DMD: variants seen among roughly 807,000 people sequenced by gnomAD.
The protein encoded by DMD is mutant dystrophin.
DMD carries 63 observed loss-of-function variants against 330.1 expected under a neutral mutation model. That is an observed-to-expected ratio of 0.19 (90% CI 0.16 to 0.24). The LOEUF is 0.24. DMD is among the 10% of genes least tolerant of loss of function. The pLI is 1.00. For synonymous variants in DMD, 1,223 were observed against 959.8 expected (o/e 1.27, Z -5.07); for missense variants, 3,344 against 2,684.1 (o/e 1.25, Z -5.43).
intron 53 of DMD, 148 bp from the exon 54 acceptor site, chrX:31,658,292 G>A (rs2080910064): frequency 1.5e-6 from 1 of 664,102 alleles, no homozygotes; most frequent in Non-Finnish European, 2.3e-6. Context: ...ATATGATTTA[G>A]TCAATCATGA....
At chrX:31,706,581 T>C (rs1162031164) in intron 52 of DMD, among the ~76,000 whole-genome samples, 1 of 111,315 alleles carries the variant, frequency 9.0e-6, no homozygotes, top group Non-Finnish European at 1.9e-5. Flanking sequence ...CGTCAGACTC[T>C]AGTTTTCCTA....
In DMD at chrX:32,191,011, A is replaced by G. The variant is rs1003750965; in HGVS notation, c.6438+25905T>C. Among the ~76,000 whole-genome samples, 10 of 110,705 alleles carry G rather than the reference A, an allele frequency of 9.0e-5. No homozygotes were observed. The East Asian group carries it at 2.9e-3, about 32-fold the overall frequency. ...CAGGACTTTAAGGCCACCTCTCCTAATCACCCAACTGATAAACAAATTCCC... is the reference window on the plus strand; with the variant it reads ...CAGGACTTTAAGGCCACCTCTCCTAGTCACCCAACTGATAAACAAATTCCC... On this transcript the variant is annotated intron_variant, in intron 44 of 78. Transcript: ENST00000357033.
intron 30 of DMD, among the ~76,000 whole-genome samples, chrX:32,397,315 A>G (rs1013902940): frequency 1.8e-5 from 2 of 111,756 alleles, no homozygotes; most frequent in Non-Finnish European, 3.8e-5. Flanking sequence ...TGAAATTATC[A>G]GCCTGGCTTC....
intron 59 of DMD, among the ~76,000 whole-genome samples, chrX:31,466,759 C>T (rs991409154): frequency 1.8e-5 from 2 of 111,536 alleles, no homozygotes; most frequent in South Asian, 7.6e-4. Flanking sequence ...GACAGTATGG[C>T]CATTTTCACG....
chrX:33,221,545 A>C (rs2052176938), intron 1 of DMD, among the ~76,000 whole-genome samples: 2 of 111,590 alleles, frequency 1.8e-5, no homozygotes, highest in African/African-American at 6.5e-5. Context: ...AATCAAAATA[A>C]AAACAGAAAA....
intron 55 of DMD, among the ~76,000 whole-genome samples, chrX:31,610,218 T>C (rs1177683419): frequency 8.1e-5 from 9 of 111,799 alleles, no homozygotes; most frequent in African/African-American, 2.9e-4. Flanking sequence ...TGCAAAGAAA[T>C]ACATATTCAA....
At chrX:31,815,400 A>G (rs1475084367) in intron 50 of DMD, among the ~76,000 whole-genome samples, 1 of 109,226 alleles carries the variant, frequency 9.2e-6, no homozygotes. Context: ...CTGTGAGCCG[A>G]GATTGCACCA....
chrX:32,944,154 C>T (rs976502691), intron 2 of DMD, among the ~76,000 whole-genome samples: 3 of 111,911 alleles, frequency 2.7e-5, no homozygotes, highest in Non-Finnish European at 5.6e-5. Flanking sequence ...AAATAATGAC[C>T]TCCAGGTCTA....
intron 44 of DMD, among the ~76,000 whole-genome samples, chrX:32,158,353 C>A (rs985289790): frequency 2.7e-5 from 3 of 110,369 alleles, no homozygotes; most frequent in Non-Finnish European, 3.8e-5. Context: ...GGCAAAATAG[C>A]AAGACCCCAT....
intron 55 of DMD, among the ~76,000 whole-genome samples, chrX:31,540,062 T>A (rs976254421): frequency 5.3e-5 from 6 of 112,315 alleles, no homozygotes; most frequent in African/African-American, 1.9e-4. Context: ...CTATTCTGCA[T>A]CCAGGCTGGA....
intron 7 of DMD, among the ~76,000 whole-genome samples, chrX:32,801,264 T>C (rs2076544691): frequency 8.9e-6 from 1 of 112,229 alleles, no homozygotes; most frequent in Non-Finnish European, 1.9e-5. Context: ...TTTTCATTTC[T>C]CTAATGACCA....
intron 44 of DMD, among the ~76,000 whole-genome samples, chrX:32,145,644 CA>C (rs2096774899): frequency 2.7e-5 from 3 of 111,922 alleles, no homozygotes. Flanking sequence ...GAGCAAAATA[CA>C]GCCATTTCAC....
intron 2 of DMD, among the ~76,000 whole-genome samples, chrX:32,851,772 G>A (rs906419664): frequency 7.1e-5 from 8 of 111,937 alleles, no homozygotes; most frequent in Admixed American, 1.9e-4. Flanking sequence ...ATTGTGAAAC[G>A]TTGCATTGGA....
At chrX:31,929,402 C>G (rs1244762664) in intron 47 of DMD, among the ~76,000 whole-genome samples, 194 bp downstream of exon 47, 3 of 111,225 alleles carry the variant, frequency 2.7e-5, no homozygotes, top group African/African-American at 9.8e-5. Flanking sequence ...AATGTAAAGC[C>G]ATTCACCATC....
In DMD at chrX:32,765,425, TTA is replaced by T. The variant is rs753011913; in HGVS notation, c.649+44066_649+44067del. ...GCCAGGTCACCCTTCCCTTTCTGCT[TTA>T]TGTTTCCTGAGGCCTCCCCAGAAGC... On this transcript the variant is annotated intron_variant, in intron 7 of 78. Transcript: ENST00000357033. Among the ~76,000 whole-genome samples, 254 of 111,097 alleles carry T rather than the reference TTA, an allele frequency of 2.3e-3. 1 individual carries two copies. Among genetic ancestry groups the T allele is most frequent in the East Asian group, 3.2e-3 (11 of 3,480 alleles).
In DMD at chrX:31,740,073, T is replaced by C. The variant is rs895258014; in HGVS notation, c.7543-10325A>G. On this transcript the variant is annotated intron_variant, in intron 51 of 78. Transcript: ENST00000357033. ...TCCAAAAATGAAAATGCCTTTCACT[T>C]TCACAAGCCAGTAAGTAAATAATGT... 8.1e-5 allele frequency among the ~76,000 whole-genome samples: 9 copies of C among 111,174 alleles called. No homozygotes were observed. In the East Asian group the frequency reaches 2.0e-3, roughly 24 times the overall value.
intron 65 of DMD, 51 bp downstream of exon 65, chrX:31,209,447 C>G: frequency 2.6e-6 from 3 of 1,145,748 alleles, no homozygotes; most frequent in Non-Finnish European, 3.6e-6. Context: ...CCATTCTGTA[C>G]GCTAAGCCTC....
intron 1 of DMD, among the ~76,000 whole-genome samples, chrX:33,298,988 C>A (rs944908894): frequency 9.0e-6 from 1 of 111,568 alleles, no homozygotes; most frequent in Non-Finnish European, 1.9e-5. Flanking sequence ...ACCACCTCCA[C>A]CTGTATCAGA....
chrX:32,629,838 C>CA (rs1392352136), intron 11 of DMD, among the ~76,000 whole-genome samples: 3 of 109,826 alleles, frequency 2.7e-5, no homozygotes, highest in African/African-American at 9.9e-5. Flanking sequence ...TTCATCCCCC[C>CA]ACTCTTTTTG....
Sources: gnomAD v4.1 joint callset for allele counts (sites outside exome capture counted in the v4.1 genomes callset) on GRCh38, gnomAD v4.1.1 for gene constraint, MANE v1.5 for transcripts, NCBI Gene and HGNC (gene_info 2026-07-23, HGNC 2026-07-21) for gene names.